The following TRAPPC12 variants were observed in gnomAD, a reference collection of about 807,000 sequenced individuals.
TRAPPC12 encodes trafficking protein particle complex subunit 12, also known as TPR repeat protein 15.
In TRAPPC12, 61 loss-of-function variants were observed where a neutral mutation model predicts 69.2. The ratio of observed to expected loss-of-function variants is 0.88; its 90% CI spans 0.72 to 1.09. The LOEUF is 1.09. Ranked by LOEUF, TRAPPC12 falls within the 50% of genes least tolerant of loss-of-function variation. TRAPPC12 has a pLI of 0.00. For missense variants in TRAPPC12, 1,101 were observed against 1,016.4 expected (o/e 1.08, Z -1.13); for synonymous variants, 469 against 438.9 (o/e 1.07, Z -0.86).
intron 5 of TRAPPC12, among the ~76,000 whole-genome samples, chr2:3,430,955 C>T (rs971986719): frequency 1.3e-5 from 2 of 152,052 alleles, no homozygotes; most frequent in Non-Finnish European, 1.5e-5. Flanking sequence ...TTGTTGGGAC[C>T]ATCCACTGGG....
rs375455691 is a variant in TRAPPC12 at position 3,462,787 on chromosome 2, C to T, written c.1677+2451C>T. 142 of 422,548 alleles carry T rather than the reference C, an allele frequency of 3.4e-4. No homozygotes were observed. In the East Asian group the frequency reaches 5.6e-3, roughly 17 times the overall value. 26.2% of individuals were successfully genotyped at this position (422,548 alleles called of 1,614,324 possible). On this transcript the variant is annotated intron_variant, in intron 8 of 11. Coordinates refer to ENST00000324266, the MANE Select transcript of TRAPPC12 (RefSeq NM_016030.6). ...ACCATATGGATGCAGGTGCCTGCCACCTTAGGTGGCTTGGGCCCCCCCTCC... is the reference window on the plus strand; with the variant it reads ...ACCATATGGATGCAGGTGCCTGCCATCTTAGGTGGCTTGGGCCCCCCCTCC...
chr2:3,465,033 G>T (rs940517289), intron 8 of TRAPPC12, among the ~76,000 whole-genome samples: 3 of 152,200 alleles, frequency 2.0e-5, no homozygotes, highest in Non-Finnish European at 2.9e-5. Context: ...GGTCTCATGC[G>T]TGCCGCACGG....
At chr2:3,443,698 G>T (rs745732902) in intron 5 of TRAPPC12, 81 bp from the exon 6 acceptor site, 2 of 1,021,258 alleles carry the variant, frequency 2.0e-6, no homozygotes, top group Admixed American at 1.8e-5. Flanking sequence ...GGACATCTGC[G>T]ACGCCTCCTT....
chr2:3,385,789 T>C (rs1222037231), intron 1 of TRAPPC12, among the ~76,000 whole-genome samples: 1 of 152,252 alleles, frequency 6.6e-6, no homozygotes, highest in Non-Finnish European at 1.5e-5. Context: ...CGCTAGTGCC[T>C]TCAAGTCCTG....
At chr2:3,427,080 A>G (rs1289074856) in intron 5 of TRAPPC12, among the ~76,000 whole-genome samples, 1 of 152,114 alleles carries the variant, frequency 6.6e-6, no homozygotes, top group Admixed American at 6.5e-5. Context: ...TTAATTGGGG[A>G]AGTTTGAGGG....
In TRAPPC12 at chr2:3,401,791, A is replaced by T; in HGVS notation, c.1062A>T (p.Lys354Asn). The change falls in exon 3 of 12, where the codon AAA (lysine) becomes AAT (asparagine). Residue 354 changes from lysine (K) to asparagine (N), a missense_variant. Physicochemically the swap from Lys to Asn is moderately conservative, Grantham distance 94. Coordinates refer to ENST00000324266, the MANE Select transcript of TRAPPC12 (RefSeq NM_016030.6). ...RFDNIQGDAV[K>N]DLMLRFLGEK... ...ATTCTTCCCAGGGAGATGCAGTTAA[A>T]GACTTGATGCTTCGCTTTCTGGGTG... 1 of 1,587,588 alleles carries T rather than the reference A, an allele frequency of 6.3e-7. No homozygotes were observed. The highest frequency in any genetic ancestry group is 8.5e-7 in the Non-Finnish European group (1 of 1,170,394).
intron 9 of TRAPPC12, among the ~76,000 whole-genome samples, chr2:3,474,525 AGGAGG>A (rs1465583827): frequency 6.6e-6 from 1 of 152,176 alleles, no homozygotes; most frequent in Non-Finnish European, 1.5e-5. Flanking sequence ...ACAGCGCCCA[AGGAGG>A]GGAGGGCCAG....
intron 5 of TRAPPC12, among the ~76,000 whole-genome samples, chr2:3,434,409 G>C (rs1572153435): frequency 6.6e-6 from 1 of 152,244 alleles, no homozygotes; most frequent in African/African-American, 2.4e-5. Context: ...TGAAGTTGCA[G>C]ATAATGTTTT....
rs1055218864 is a variant in TRAPPC12 at position 3,388,355 on chromosome 2, C to A, written c.732C>A (p.Ala244=). The change falls in exon 2 of 12, where the codon GCC becomes GCA. Residue 244 remains alanine, a synonymous_variant. Transcript: ENST00000324266. ...SVSNPGAGSP[A]PASPPPLAVP... is the part of the protein sequence containing the mutation. ...GCAATCCCGGCGCGGGCTCCCCGGCCCCCGCCAGCCCGCCTCCCCTCGCTG... is the reference window on the plus strand; with the variant it reads ...GCAATCCCGGCGCGGGCTCCCCGGCACCCGCCAGCCCGCCTCCCCTCGCTG... 6.3e-7 allele frequency: 1 copy of A among 1,593,198 alleles called. No homozygotes were observed. The highest frequency in any genetic ancestry group is 1.7e-5 in the Admixed American group (1 of 58,618).
At chr2:3,422,185 C>T (rs1219911350) in intron 4 of TRAPPC12, among the ~76,000 whole-genome samples, 191 bp downstream of exon 4, 5 of 152,334 alleles carry the variant, frequency 3.3e-5, no homozygotes, top group South Asian at 2.1e-4. Context: ...GATGCCTGTG[C>T]GCCCCAGAAG....
rs760340783 is a variant in TRAPPC12 at position 3,387,664 on chromosome 2, A to T, written c.41A>T (p.Glu14Val). The T allele has an allele frequency of 1.5e-4, 229 of 1,550,380 alleles. 1 individual carries two copies. Among genetic ancestry groups the T allele is most frequent in the Non-Finnish European group, 1.8e-4 (207 of 1,146,374 alleles). Residue 14 changes from glutamate to valine, a missense_variant, in exon 2 of 12, where the codon GAG becomes GTG. Coordinates refer to ENST00000324266, the MANE Select transcript of TRAPPC12 (RefSeq NM_016030.6). ...GGCGGCGAGGAGACCCCGGCCCCGG[A>T]GGCCCCGCACCCCCCTCAGCTCGCG... is the stretch of plus-strand genomic sequence containing the variant. ...AGGGEETPAP[E>V]APHPPQLAPP...
rs758901544 is a variant in TRAPPC12 at position 3,388,537 on chromosome 2, G to T, written c.914G>T (p.Arg305Leu). 3 of 1,613,066 alleles carry T rather than the reference G, an allele frequency of 1.9e-6. No individual in the cohort carries two copies. Among genetic ancestry groups the T allele is most frequent in the Non-Finnish European group, 2.5e-6 (3 of 1,179,726 alleles). The change falls in exon 2 of 12, where the codon CGG becomes CTG. Residue 305 changes from arginine (R) to leucine (L), a missense_variant. Coordinates refer to ENST00000324266, the MANE Select transcript of TRAPPC12 (RefSeq NM_016030.6). Reference protein sequence around the residue: ...ATALSMSEMDRRNDAWLPGEA... With the variant: ...ATALSMSEMDLRNDAWLPGEA... ...GCCCTGAGCATGAGCGAGATGGACC[G>T]GAGGAACGACGCCTGGCTTCCCGGC... is the stretch of plus-strand genomic sequence containing the variant.
At chr2:3,422,534 G>A (rs1662869916) in intron 4 of TRAPPC12, among the ~76,000 whole-genome samples, 1 of 152,338 alleles carries the variant, frequency 6.6e-6, no homozygotes. Flanking sequence ...ACCTTTCCCT[G>A]GGGAGTTTTT....
intron 5 of TRAPPC12, among the ~76,000 whole-genome samples, chr2:3,434,337 A>AT (rs909157514): frequency 6.6e-6 from 1 of 151,872 alleles, no homozygotes; most frequent in African/African-American, 2.4e-5. Context: ...TGATCTATAT[A>AT]TTTTTTCTAG....
Position 3,388,197 on chromosome 2 carries a change from T to G in TRAPPC12, c.574T>G (p.Ser192Ala), listed in dbSNP as rs1399690946. 6.2e-7 allele frequency: 1 copy of G among 1,609,276 alleles called. No individual in the cohort carries two copies. Among genetic ancestry groups the G allele is most frequent in the Admixed American group, 1.7e-5 (1 of 59,792 alleles). Reference sequence around the variant, plus strand: ...CAGCTTCGGTGGCGCCAGCGAGGCCTCGGCCAGGACACCGCCCCAGGTCGT... The same window carrying G: ...CAGCTTCGGTGGCGCCAGCGAGGCCGCGGCCAGGACACCGCCCCAGGTCGT... ...SPSFGGASEA[S>A]ARTPPQVVQP... Residue 192 changes from serine (S) to alanine (A), a missense_variant, in exon 2 of 12, where the codon TCG (serine) becomes GCG (alanine). Transcript: ENST00000324266.
intron 8 of TRAPPC12, among the ~76,000 whole-genome samples, chr2:3,464,135 C>T (rs563063680): frequency 8.5e-4 from 127 of 149,004 alleles, no homozygotes; most frequent in Non-Finnish European, 1.2e-3. Flanking sequence ...CACACACACA[C>T]GTCCACACAC....
In TRAPPC12 at chr2:3,479,074, G is replaced by A; in HGVS notation, c.1965+141G>A. On this transcript the variant is annotated intron_variant, in intron 11 of 11. Transcript: ENST00000324266. ...CAGGCAGTGGCTGTGGCCCTTAGGGGAAGTGACCCAACAGGGCCACCTAGG... is the reference window on the plus strand; with the variant it reads ...CAGGCAGTGGCTGTGGCCCTTAGGGAAAGTGACCCAACAGGGCCACCTAGG... 3 of 1,497,292 alleles carry A rather than the reference G, an allele frequency of 2.0e-6. No individual in the cohort carries two copies. In the East Asian group the frequency reaches 7.0e-5, roughly 35 times the overall value. 92.8% of individuals were successfully genotyped at this position (1,497,292 alleles called of 1,614,324 possible). A position where few individuals can be genotyped will look rare whatever the true frequency, so the allele number is the denominator to read the frequency against.
chr2:3,473,610 G>A (rs1666163401), intron 9 of TRAPPC12, among the ~76,000 whole-genome samples: 1 of 152,178 alleles, frequency 6.6e-6, no homozygotes, highest in Non-Finnish European at 1.5e-5. Flanking sequence ...CTCCCGAGTA[G>A]CTGGGAACAG....
rs1665460249 is a variant in TRAPPC12, at chr2:3,460,934, T to TGG, written c.1677+600_1677+601dup. ...CCCACACCTGGCTCACCTCCCACAC[T>TGG]GGGCATCAGGGTGCCCTGTGTGGAG... On this transcript the variant is annotated intron_variant, in intron 8 of 11. Transcript: ENST00000324266. 3 of 153,132 alleles carry TGG rather than the reference T, an allele frequency of 2.0e-5. No individual in the cohort carries two copies. In the South Asian group the frequency reaches 6.2e-4, roughly 32 times the overall value. 9.5% of individuals were successfully genotyped at this position (153,132 alleles called of 1,614,324 possible).
Sources: allele counts gnomAD v4.1 joint callset (sites outside exome capture counted in the v4.1 genomes callset), GRCh38; gene constraint gnomAD v4.1.1; transcripts MANE v1.5; gene names NCBI Gene and HGNC (gene_info 2026-07-23, HGNC 2026-07-21).